KIAA1671: variants seen among roughly 807,000 people sequenced by gnomAD.
KIAA1671 encodes the protein uncharacterized protein KIAA1671.
A neutral mutation model predicts 131.2 loss-of-function variants in KIAA1671; 52 were observed. That is an observed-to-expected ratio of 0.40 (90% CI 0.32 to 0.50). The LOEUF (loss-of-function observed/expected upper bound fraction) is 0.50. Among genes scored for constraint, KIAA1671 ranks in the 20% least tolerant of loss-of-function variants. The probability of loss-of-function intolerance (pLI) is 0.73; values close to 1 mark genes in which losing one functional copy is unlikely to be tolerated. For missense variants in KIAA1671, 2,360 were observed against 2,364.2 expected (o/e 1.00, Z 0.04); for synonymous variants, 1,003 against 961.6 (o/e 1.04, Z -0.80).
At chr22:25,010,123 C>T (rs552821086) in intron 1 of KIAA1671, 3 of 152,242 alleles carry the variant, frequency 2.0e-5, no homozygotes, top group African/African-American at 4.8e-5. Context: ...CTCTCCCTGC[C>T]CGCCTGCAAT....
chr22:25,129,488 C>T (rs547614244), intron 6 of KIAA1671, among the ~76,000 whole-genome samples: 6 of 146,986 alleles, frequency 4.1e-5, no homozygotes, highest in African/African-American at 1.5e-4. Flanking sequence ...GCCTGGGCAA[C>T]AAGAGCAAGA....
chr22:25,150,978 A>G (rs5996839), intron 6 of KIAA1671, among the ~76,000 whole-genome samples: 52,690 of 151,172 alleles, frequency 0.35, 11,015 homozygotes, highest in African/African-American at 0.6. Context: ...GACTACAGGC[A>G]CCCGCCTCCA....
chr22:25,030,530 G>A (rs996778814), intron 3 of KIAA1671, among the ~76,000 whole-genome samples: 3 of 148,660 alleles, frequency 2.0e-5, no homozygotes, highest in Admixed American at 1.3e-4. Context: ...GCAAGACTCC[G>A]TCTCAAAAAA....
intron 6 of KIAA1671, among the ~76,000 whole-genome samples, chr22:25,071,794 G>T (rs1407954623): frequency 1.3e-5 from 2 of 152,122 alleles, no homozygotes; most frequent in Non-Finnish European, 2.9e-5. Context: ...TGTTCATTCA[G>T]CACACACTTA....
At chr22:24,993,207 G>A (rs1246813340) in intron 1 of KIAA1671, among the ~76,000 whole-genome samples, 3 of 152,214 alleles carry the variant, frequency 2.0e-5, no homozygotes, top group East Asian at 1.9e-4. Flanking sequence ...GCAGGCAGGC[G>A]GTAACTCCAC....
chr22:25,046,625 G>A (rs1174111927), intron 5 of KIAA1671, among the ~76,000 whole-genome samples: 3 of 151,920 alleles, frequency 2.0e-5, no homozygotes, highest in South Asian at 2.1e-4. Context: ...TCTTCCACCC[G>A]GTAATCACTT....
At chr22:25,120,591 C>G (rs573503375) in intron 6 of KIAA1671, among the ~76,000 whole-genome samples, 3 of 152,176 alleles carry the variant, frequency 2.0e-5, no homozygotes, top group African/African-American at 7.2e-5. Context: ...CAACAAAATA[C>G]GGTGTGCTCA....
chr22:25,106,298 T>C (rs1931002994), intron 6 of KIAA1671, among the ~76,000 whole-genome samples: 1 of 152,140 alleles, frequency 6.6e-6, no homozygotes, highest in East Asian at 1.9e-4. Flanking sequence ...GACCTGAGTG[T>C]TGTGTTCTGT....
At chr22:25,157,796 CAT>C (rs1355157582) in intron 6 of KIAA1671, among the ~76,000 whole-genome samples, 1 of 147,710 alleles carries the variant, frequency 6.8e-6, no homozygotes, top group Non-Finnish European at 1.5e-5. Context: ...GCACACTGCA[CAT>C]AGTTTTTTTT....
intron 6 of KIAA1671, chr22:25,055,799 G>C (rs898953869): frequency 7.8e-6 from 1 of 128,326 alleles, no homozygotes; most frequent in Non-Finnish European, 1.7e-5. Flanking sequence ...GATAGATATA[G>C]ATAGATATAG....
intron 1 of KIAA1671, chr22:25,022,502 G>A (rs1057121365): frequency 1.3e-5 from 2 of 152,192 alleles, no homozygotes; most frequent in Admixed American, 6.5e-5. Context: ...GAATGCTTTC[G>A]AATGACTCCT....
At chr22:25,158,669 C>T (rs1006249173) in intron 6 of KIAA1671, among the ~76,000 whole-genome samples, 3 of 152,138 alleles carry the variant, frequency 2.0e-5, no homozygotes, top group Non-Finnish European at 2.9e-5. Flanking sequence ...TGGGGAATCG[C>T]AGGCCACTAA....
chr22:25,161,305 T>C (rs77146422), intron 6 of KIAA1671, among the ~76,000 whole-genome samples: 4,772 of 152,274 alleles, frequency 0.031, 262 homozygotes, highest in African/African-American at 0.11. Context: ...TACCACCAAC[T>C]GAGGCCAGGG....
At chr22:25,113,372 C>G (rs959772882) in intron 6 of KIAA1671, among the ~76,000 whole-genome samples, 5 of 152,242 alleles carry the variant, frequency 3.3e-5, no homozygotes, top group Admixed American at 3.3e-4. Flanking sequence ...CTGCCATTTT[C>G]ACATAGGAGA....
intron 1 of KIAA1671, among the ~76,000 whole-genome samples, chr22:24,962,450 C>G (rs1341208166): frequency 1.3e-5 from 2 of 152,126 alleles, no homozygotes; most frequent in Admixed American, 6.5e-5. Flanking sequence ...CCACCCATTC[C>G]CTTGGGAATA....
chr22:25,131,309 G>A (rs1352655526), intron 6 of KIAA1671, among the ~76,000 whole-genome samples: 1 of 152,214 alleles, frequency 6.6e-6, no homozygotes, highest in Non-Finnish European at 1.5e-5. Flanking sequence ...CAGAACTGGA[G>A]TTTTGCACAG....
At chr22:25,042,403 G>A (rs1926981111) in intron 5 of KIAA1671, among the ~76,000 whole-genome samples, 1 of 151,110 alleles carries the variant, frequency 6.6e-6, no homozygotes, top group Admixed American at 6.6e-5. Flanking sequence ...GAGTGAACAA[G>A]TGATCTTACG....
At chr22:24,968,902 G>A (rs979082823) in intron 1 of KIAA1671, among the ~76,000 whole-genome samples, 2 of 151,980 alleles carry the variant, frequency 1.3e-5, no homozygotes, top group Non-Finnish European at 2.9e-5. Flanking sequence ...TTTGTGTTGT[G>A]TTGTTTTGTT....
chr22:24,986,073 C>T (rs1289112806), intron 1 of KIAA1671, among the ~76,000 whole-genome samples: 1 of 152,124 alleles, frequency 6.6e-6, no homozygotes, highest in Admixed American at 6.5e-5. Flanking sequence ...CCTTCCTCTC[C>T]TAGTGAAAGG....
Sources: allele counts gnomAD v4.1 joint callset (sites outside exome capture counted in the v4.1 genomes callset), GRCh38; gene constraint gnomAD v4.1.1; transcripts MANE v1.5; gene names NCBI Gene and HGNC (gene_info 2026-07-23, HGNC 2026-07-21).